Variants in WDR36 observed in about 807,000 individuals in gnomAD.
The protein encoded by WDR36 is WD repeat domain 36, also known as WD repeat-containing protein 36.
Under a neutral mutation model 112.7 loss-of-function variants are expected in WDR36, and 63 were observed. That is an observed-to-expected ratio of 0.56 (90% confidence interval 0.46 to 0.69). WDR36 has a LOEUF of 0.69. WDR36 is among the 30% of genes least tolerant of loss of function. The probability of loss-of-function intolerance (pLI) is 0.00; values close to 1 mark genes in which losing one functional copy is unlikely to be tolerated. For missense variants in WDR36, 1,226 were observed against 1,070.3 expected (o/e 1.15, Z -2.03); for synonymous variants, 410 against 362.2 (o/e 1.13, Z -1.50).
intron 4 of WDR36, 109 bp from the exon 5 acceptor site, chr5:111,100,480 A>T: frequency 1.4e-6 from 1 of 717,300 alleles, no homozygotes; most frequent in Non-Finnish European, 2.2e-6. Flanking sequence ...GGTTTATTTT[A>T]ACATATAAAT....
intron 18 of WDR36, 96 bp from the exon 19 acceptor site, chr5:111,120,895 GCATTA>G: frequency 9.7e-7 from 1 of 1,027,220 alleles, no homozygotes; most frequent in South Asian, 1.4e-5. Context: ...CTACAAGGCT[GCATTA>G]AATGAACATG....
intron 10 of WDR36, among the ~76,000 whole-genome samples, chr5:111,105,728 C>A (rs1402817671): frequency 3.3e-5 from 5 of 151,476 alleles, no homozygotes; most frequent in Non-Finnish European, 3.0e-5. Context: ...ATCATTTATT[C>A]TCTTTCCCTT....
chr5:111,120,888 C>T (rs1273746434), intron 18 of WDR36, 108 bp from the exon 19 acceptor site: 1 of 995,204 alleles, frequency 1.0e-6, no homozygotes, highest in Non-Finnish European at 1.5e-6. Flanking sequence ...GAACAGTCTA[C>T]AAGGCTGCAT....
chr5:111,129,896 C>T lies in WDR36; in HGVS notation c.*3013C>T, dbSNP rs143019353. 4.8e-6 allele frequency: 1 copy of T among 209,298 alleles called. No homozygotes were observed. The highest frequency in any genetic ancestry group is 1.9e-4 in the South Asian group (1 of 5,322). 13.0% of individuals were successfully genotyped at this position (209,298 alleles called of 1,614,324 possible). On this transcript the variant is annotated 3_prime_UTR_variant, in exon 23 of 23. Transcript: ENST00000513710. The stretch of plus-strand genomic sequence containing the variant: ...TTGATTTTTCTGAAGAGTGAAACAG[C>T]GCTGCTTCCAATATCTGTTCAAAAT...
intron 4 of WDR36, among the ~76,000 whole-genome samples, chr5:111,099,965 G>T (rs1023511030): frequency 4.6e-5 from 7 of 152,014 alleles, no homozygotes; most frequent in Non-Finnish European, 8.8e-5. Flanking sequence ...TTCAAACATA[G>T]AAATTTTGAA....
At chr5:111,103,206 T>G (rs776045980) in intron 6 of WDR36, among the ~76,000 whole-genome samples, 41 of 151,912 alleles carry the variant, frequency 2.7e-4, no homozygotes, top group Middle Eastern at 3.4e-3. Context: ...CATTGATCTT[T>G]GCTAAAATAG....
At chr5:111,102,711 G>C (rs1753145058) in intron 6 of WDR36, among the ~76,000 whole-genome samples, 1 of 151,630 alleles carries the variant, frequency 6.6e-6, no homozygotes, top group Non-Finnish European at 1.5e-5. Context: ...GGAAATGAGT[G>C]TTCAGCAATG....
At chr5:111,113,053 T>TATATATATA in intron 15 of WDR36, 21 bp from the exon 16 acceptor site, 3 of 204,792 alleles carry the variant, frequency 1.5e-5, no homozygotes, top group South Asian at 7.6e-5. Context: ...TATATATATA[T>TATATATATA]TTTTTTTTTT....
At chr5:111,118,388 C>T (rs1317866534) in intron 16 of WDR36, among the ~76,000 whole-genome samples, 1 of 152,164 alleles carries the variant, frequency 6.6e-6, no homozygotes, top group Admixed American at 6.5e-5. Flanking sequence ...TGGTTACTCT[C>T]CCTTTCACCC....
In WDR36 at chr5:111,108,656, C is replaced by T. The variant is rs138030181; in HGVS notation, c.1326+1217C>T. Among the ~76,000 whole-genome samples, 594 of 151,468 alleles carry T rather than the reference C, an allele frequency of 3.9e-3. 3 individuals are homozygous for T. Among genetic ancestry groups the T allele is most frequent in the South Asian group, 0.012 (56 of 4,824 alleles). On this transcript the variant is annotated intron_variant, in intron 12 of 22. Transcript: ENST00000513710. ...GATTACTTTGTTCCAGGCTTTCTGT[C>T]TGGCATGGATTATTTCATATTTTCC...
At chr5:111,105,046 G>C (rs1005853281) in intron 9 of WDR36, among the ~76,000 whole-genome samples, 6 of 151,560 alleles carry the variant, frequency 4.0e-5, no homozygotes, top group African/African-American at 1.5e-4. Context: ...AGAATGGTTA[G>C]ATTCTAAAAA....
chr5:111,094,379 C>T (rs559050992), intron 1 of WDR36, among the ~76,000 whole-genome samples: 1 of 152,218 alleles, frequency 6.6e-6, no homozygotes, highest in African/African-American at 2.4e-5. Context: ...GATCAGTAGC[C>T]ATGATTGGGG....
At chr5:111,099,661 T>C (rs1214633153) in intron 4 of WDR36, among the ~76,000 whole-genome samples, 1 of 151,994 alleles carries the variant, frequency 6.6e-6, no homozygotes, top group Non-Finnish European at 1.5e-5. Flanking sequence ...ATCTGGTTCT[T>C]ACATTCCAGC....
intron 15 of WDR36, among the ~76,000 whole-genome samples, chr5:111,112,550 C>T (rs1315433095): frequency 1.3e-5 from 2 of 151,876 alleles, no homozygotes; most frequent in Non-Finnish European, 1.5e-5. Context: ...GCCTCACAAC[C>T]CTTAGGTACT....
At chr5:111,102,146 A>C (rs1254627371) in intron 5 of WDR36, among the ~76,000 whole-genome samples, 199 bp from the exon 6 acceptor site, 1 of 151,430 alleles carries the variant, frequency 6.6e-6, no homozygotes, top group Non-Finnish European at 1.5e-5. Flanking sequence ...GGCATAGCAT[A>C]GTAGTTAGTT....
intron 16 of WDR36, among the ~76,000 whole-genome samples, chr5:111,117,782 G>C (rs1333333746): frequency 1.9e-4 from 29 of 152,170 alleles, no homozygotes; most frequent in Admixed American, 1.9e-3. Context: ...TGAGTCATTT[G>C]TGTGTACCTT....
chr5:111,110,221 T>A lies in WDR36; in HGVS notation c.1359T>A (p.Ala453=), dbSNP rs1428494481. Reference sequence around the variant, plus strand: ...ATATAACTTCTTGTGGAAACTTTGCTGTAATTGGCCTCTCATCAGGAACTG... The same window carrying A: ...ATATAACTTCTTGTGGAAACTTTGCAGTAATTGGCCTCTCATCAGGAACTG... The part of the protein sequence containing the change: ...AVDITSCGNF[A]VIGLSSGTVD... The change falls in exon 13 of 23, where the codon GCT becomes GCA. Residue 453 remains alanine (A), a synonymous_variant. Transcript: ENST00000513710. 3 of 1,610,828 alleles carry A rather than the reference T, an allele frequency of 1.9e-6. No homozygotes were observed. The highest frequency in any genetic ancestry group is 2.7e-5 in the African/African-American group (2 of 74,756).
In WDR36 at chr5:111,092,576, C is replaced by T. The variant is rs1752888514; in HGVS notation, c.120C>T (p.Phe40=). 2 of 1,614,154 alleles carry T rather than the reference C, an allele frequency of 1.2e-6. No individual in the cohort carries two copies. The highest frequency in any genetic ancestry group is 3.3e-5 in the Admixed American group (2 of 60,030). ...VVRFSALKRR[F]YVTTCVGKSF... is the part of the protein sequence containing the mutation. ...GGTTCAGCGCGCTCAAGCGCCGGTT[C>T]TATGTAACAACCTGCGTGGGCAAGA... The change falls in exon 1 of 23, where the codon TTC becomes TTT. Residue 40 remains phenylalanine (F), a synonymous_variant. Coordinates refer to ENST00000513710, the MANE Select transcript of WDR36 (RefSeq NM_139281.3).
intron 1 of WDR36, among the ~76,000 whole-genome samples, chr5:111,093,436 G>T (rs906382851): frequency 1.3e-5 from 2 of 152,152 alleles, no homozygotes; most frequent in Non-Finnish European, 2.9e-5. Context: ...AATATCAAAT[G>T]GCTTATTAGC....
Sources: gnomAD v4.1 joint callset for allele counts (sites outside exome capture counted in the v4.1 genomes callset) on GRCh38, gnomAD v4.1.1 for gene constraint, MANE v1.5 for transcripts, NCBI Gene and HGNC (gene_info 2026-07-23, HGNC 2026-07-21) for gene names.